Variants in KAZN observed in about 807,000 individuals in gnomAD.
The protein encoded by KAZN is kazrin.
KAZN carries 40 observed loss-of-function variants against 87.4 expected under a neutral mutation model. The observed-to-expected ratio is 0.46, with a 90% CI of 0.36 to 0.60. The LOEUF (loss-of-function observed/expected upper bound fraction) is 0.60, where lower values mean the gene tolerates loss of function less well. KAZN is among the 20% of genes least tolerant of loss of function. The probability of loss-of-function intolerance (pLI) is 0.00; values close to 1 mark genes in which losing one functional copy is unlikely to be tolerated. For synonymous variants in KAZN, 466 were observed against 458.3 expected (o/e 1.02, Z -0.22); for missense variants, 898 against 1,073.9 (o/e 0.84, Z 2.29).
chr1:13,913,305 A>G (rs1049284382), intron 1 of KAZN, among the ~76,000 whole-genome samples: 8 of 152,146 alleles, frequency 5.3e-5, no homozygotes, highest in Non-Finnish European at 7.4e-5. Context: ...TGTGGCCTCT[A>G]TCTGGTCAAG....
chr1:14,909,258 A>G (rs1452646408), intron 1 of KAZN, among the ~76,000 whole-genome samples: 4 of 152,192 alleles, frequency 2.6e-5, no homozygotes, highest in Non-Finnish European at 5.9e-5. Flanking sequence ...CATTGAACAG[A>G]TGGGGAAAGT....
At chr1:14,871,637 T>C (rs1652142387) in intron 1 of KAZN, among the ~76,000 whole-genome samples, 1 of 131,818 alleles carries the variant, frequency 7.6e-6, no homozygotes. Context: ...CTGAGACATC[T>C]ACATGAGCAG....
intron 1 of KAZN, among the ~76,000 whole-genome samples, chr1:13,922,050 A>G (rs747197467): frequency 1.3e-5 from 2 of 152,112 alleles, no homozygotes; most frequent in Non-Finnish European, 2.9e-5. Flanking sequence ...TGACACATAT[A>G]CTGGTGCAAT....
At chr1:13,919,485 C>T (rs1639984129) in intron 1 of KAZN, among the ~76,000 whole-genome samples, 1 of 152,120 alleles carries the variant, frequency 6.6e-6, no homozygotes, top group Non-Finnish European at 1.5e-5. Context: ...TAGTTGGGAC[C>T]ATTATGAAAA....
At chr1:14,777,596 T>G (rs541741876) in intron 1 of KAZN, among the ~76,000 whole-genome samples, 20 of 152,294 alleles carry the variant, frequency 1.3e-4, no homozygotes, top group African/African-American at 4.3e-4. Context: ...TTCTGTCCCC[T>G]GAACTAGCCA....
intron 1 of KAZN, among the ~76,000 whole-genome samples, chr1:14,795,555 C>G (rs1007978357): frequency 6.6e-6 from 1 of 152,058 alleles, no homozygotes; most frequent in Non-Finnish European, 1.5e-5. Flanking sequence ...CAAATTCAGG[C>G]TTCATGGCGT....
intron 1 of KAZN, among the ~76,000 whole-genome samples, chr1:14,714,272 C>T (rs1261628212): frequency 6.6e-6 from 1 of 152,154 alleles, no homozygotes. Context: ...TCTCAAGAGG[C>T]ATCTGATGAT....
At chr1:13,935,119 C>G (rs894359085) in intron 1 of KAZN, among the ~76,000 whole-genome samples, 5 of 151,958 alleles carry the variant, frequency 3.3e-5, no homozygotes, top group Non-Finnish European at 7.4e-5. Flanking sequence ...TGCCTGTAAT[C>G]CCAGCTACTC....
chr1:14,522,114 A>G lies in KAZN; in HGVS notation c.250-76869A>G, dbSNP rs562838746. Among the ~76,000 whole-genome samples the G allele has an allele frequency of 3.3e-5, 5 of 152,322 alleles. No individual in the cohort carries two copies. The East Asian group carries it at 7.7e-4, about 24-fold the overall frequency. On this transcript the variant is annotated intron_variant, in intron 2 of 16. Transcript: ENST00000636203. ...GAAAGCCACTCACACTCCTGCTTGC[A>G]TAGAAGTCCCCTGCCTTTTGCCAAT...
chr1:14,044,322 T>A (rs925851093), intron 1 of KAZN, among the ~76,000 whole-genome samples: 1 of 152,142 alleles, frequency 6.6e-6, no homozygotes, highest in Non-Finnish European at 1.5e-5. Flanking sequence ...CCTCAAATGA[T>A]AATTTACCAG....
chr1:14,554,591 A>C (rs1673744989), intron 2 of KAZN, among the ~76,000 whole-genome samples: 1 of 152,204 alleles, frequency 6.6e-6, no homozygotes, highest in East Asian at 1.9e-4. Flanking sequence ...ATCATTTCCA[A>C]ACTCTTATAA....
At chr1:14,745,398 A>G (rs987189515) in intron 1 of KAZN, among the ~76,000 whole-genome samples, 4 of 152,342 alleles carry the variant, frequency 2.6e-5, no homozygotes, top group African/African-American at 9.6e-5. Context: ...CCCTGGCACA[A>G]TCGTGGGCCT....
At chr1:13,995,203 AG>A (rs556552670) in intron 1 of KAZN, among the ~76,000 whole-genome samples, 179 of 144,156 alleles carry the variant, frequency 1.2e-3, no homozygotes, top group African/African-American at 4.5e-3. Context: ...TGGAAGTCTT[AG>A]ACAGTGCAAT....
At chr1:14,370,409 G>A (rs1019486155) in intron 2 of KAZN, among the ~76,000 whole-genome samples, 2 of 152,180 alleles carry the variant, frequency 1.3e-5, no homozygotes, top group African/African-American at 4.8e-5. Flanking sequence ...TATCATTCAG[G>A]GATCTGAGCT....
chr1:14,178,698 A>G (rs1646134877), intron 1 of KAZN, among the ~76,000 whole-genome samples: 1 of 152,170 alleles, frequency 6.6e-6, no homozygotes, highest in South Asian at 2.1e-4. Context: ...TCTCCAAGCT[A>G]TTAGTCACAT....
chr1:14,292,665 C>A (rs1322719409), intron 2 of KAZN, among the ~76,000 whole-genome samples: 1 of 152,194 alleles, frequency 6.6e-6, no homozygotes, highest in Non-Finnish European at 1.5e-5. Flanking sequence ...AGCTGGCAGG[C>A]TCTGGGTGAT....
chr1:14,335,865 A>G (rs1270256364), intron 2 of KAZN, among the ~76,000 whole-genome samples: 1 of 152,178 alleles, frequency 6.6e-6, no homozygotes, highest in Non-Finnish European at 1.5e-5. Context: ...GTTTTGTTCT[A>G]TTGGTTGATG....
intron 1 of KAZN, among the ~76,000 whole-genome samples, chr1:14,096,240 A>G (rs897218254): frequency 6.6e-6 from 1 of 152,228 alleles, no homozygotes; most frequent in Non-Finnish European, 1.5e-5. Context: ...ACAGTCCCAT[A>G]AAAGTGGATT....
chr1:14,031,869 G>C (rs1641341334), intron 1 of KAZN, among the ~76,000 whole-genome samples: 1 of 145,526 alleles, frequency 6.9e-6, no homozygotes, highest in Admixed American at 6.6e-5. Context: ...GTGTGCTTGA[G>C]AGAAAAACCC....
Sources: gnomAD v4.1 joint callset for allele counts (sites outside exome capture counted in the v4.1 genomes callset) on GRCh38, gnomAD v4.1.1 for gene constraint, MANE v1.5 for transcripts, NCBI Gene and HGNC (gene_info 2026-07-23, HGNC 2026-07-21) for gene names.